PDGFC: variants seen among roughly 807,000 people sequenced by gnomAD.
PDGFC encodes platelet derived growth factor C.
In PDGFC, 12 loss-of-function variants were observed where a neutral mutation model predicts 35.5. The ratio of observed to expected loss-of-function variants is 0.34; its 90% CI spans 0.22 to 0.55. The LOEUF (loss-of-function observed/expected upper bound fraction) is 0.55, where lower values mean the gene tolerates loss of function less well. PDGFC is among the 20% of genes least tolerant of loss of function. The pLI is 0.91. For synonymous variants in PDGFC, 159 were observed against 148.8 expected, an observed-to-expected ratio of 1.07 and a Z score of -0.50; for missense variants, 322 against 412.4, an observed-to-expected ratio of 0.78 and a Z score of 1.90.
intron 1 of PDGFC, among the ~76,000 whole-genome samples, chr4:156,859,821 C>T (rs540091902): frequency 2.7e-4 from 41 of 152,020 alleles, no homozygotes; most frequent in Non-Finnish European, 5.0e-4. Flanking sequence ...ATTTTTAATA[C>T]CAATGAGAAT....
chr4:156,913,019 C>T (rs1029413826), intron 1 of PDGFC, among the ~76,000 whole-genome samples: 2 of 151,996 alleles, frequency 1.3e-5, no homozygotes, highest in Admixed American at 6.6e-5. Context: ...TCTCATGATC[C>T]ACTAACAGGA....
rs796823472 is a variant in PDGFC at position 156,870,464 on chromosome 4, ATAT to A, written c.119-20051_119-20049del. Reference sequence around the variant, plus strand: ...TTGAATGAAAAGATGAGGACCTGATATATTATTATCTTCTACTTCATAGAGAGT... The same window carrying A: ...TTGAATGAAAAGATGAGGACCTGATATATTATCTTCTACTTCATAGAGAGT... On this transcript the variant is annotated intron_variant, in intron 1 of 5. Coordinates refer to ENST00000502773, the MANE Select transcript of PDGFC (RefSeq NM_016205.3). Among the ~76,000 whole-genome samples the A allele has an allele frequency of 2.0e-4, 30 of 152,246 alleles. No homozygotes were observed. In the East Asian group the frequency reaches 4.6e-3, roughly 24 times the overall value.
In PDGFC at chr4:156,789,229, T is replaced by C. The variant is rs1033496151; in HGVS notation, c.496-16336A>G. 9.2e-5 allele frequency among the ~76,000 whole-genome samples: 14 copies of C among 152,234 alleles called. No homozygotes were observed. The East Asian group carries it at 1.9e-3, about 21-fold the overall frequency. ...TACGGAGTGCAGACAGAAAAACTTA[T>C]GATTCTTAAACAGCTGCCTAGAAAA... is the stretch of plus-strand genomic sequence containing the variant. On this transcript the variant is annotated intron_variant, in intron 3 of 5. Coordinates refer to ENST00000502773, the MANE Select transcript of PDGFC (RefSeq NM_016205.3).
chr4:156,856,333 A>G (rs941481888), intron 1 of PDGFC, among the ~76,000 whole-genome samples: 10 of 152,176 alleles, frequency 6.6e-5, no homozygotes, highest in African/African-American at 2.4e-4. Flanking sequence ...GTTAAGAAAT[A>G]ACCAAAAATT....
At chr4:156,812,991 T>G (rs1361410096) in intron 2 of PDGFC, among the ~76,000 whole-genome samples, 1 of 152,106 alleles carries the variant, frequency 6.6e-6, no homozygotes, top group Non-Finnish European at 1.5e-5. Context: ...GGGTTATAAG[T>G]TACATATACA....
chr4:156,858,421 C>A (rs1216345583), intron 1 of PDGFC, among the ~76,000 whole-genome samples: 1 of 151,992 alleles, frequency 6.6e-6, no homozygotes, highest in Non-Finnish European at 1.5e-5. Context: ...TCCTCAAAGC[C>A]TTTATTACAT....
chr4:156,883,317 C>T (rs1730292219), intron 1 of PDGFC, among the ~76,000 whole-genome samples: 1 of 152,040 alleles, frequency 6.6e-6, no homozygotes, highest in Non-Finnish European at 1.5e-5. Flanking sequence ...TTTGATTATA[C>T]TCAATGGAAA....
intron 1 of PDGFC, among the ~76,000 whole-genome samples, chr4:156,880,275 T>C (rs539685396): frequency 3.3e-5 from 5 of 152,130 alleles, no homozygotes; most frequent in Non-Finnish European, 7.4e-5. Context: ...CATTGGTGAA[T>C]TGAAGTTAAA....
chr4:156,832,410 C>T (rs1019417294), intron 2 of PDGFC, among the ~76,000 whole-genome samples: 1 of 152,066 alleles, frequency 6.6e-6, no homozygotes, highest in Non-Finnish European at 1.5e-5. Flanking sequence ...GCACCCGCCA[C>T]CATGCCTGGC....
intron 1 of PDGFC, among the ~76,000 whole-genome samples, chr4:156,907,290 T>C (rs573704554): frequency 6.6e-6 from 1 of 152,334 alleles, no homozygotes; most frequent in Admixed American, 6.5e-5. Flanking sequence ...CAGATTTTCT[T>C]ACATTAGCAC....
chr4:156,763,145 G>A lies in PDGFC; in HGVS notation c.983C>T (p.Ala328Val), dbSNP rs1324137195. The A allele has an allele frequency of 6.2e-7, 1 of 1,613,020 alleles. No homozygotes were observed. Among genetic ancestry groups the A allele is most frequent in the Non-Finnish European group, 8.5e-7 (1 of 1,179,066 alleles). ...GTCACACTCCTCATGGTGCTCCAGG[G>A]CCACGTCGGTGAGTGATTTGTGCAA... ...RGLHKSLTDV[A>V]LEHHEECDCV... Residue 328 changes from alanine to valine, a missense_variant, in exon 6 of 6, where the codon GCC becomes GTC. Ala to Val is a moderately conservative substitution (Grantham distance 64). Transcript: ENST00000502773.
chr4:156,860,762 A>C (rs1321453192), intron 1 of PDGFC, among the ~76,000 whole-genome samples: 1 of 152,150 alleles, frequency 6.6e-6, no homozygotes, highest in East Asian at 1.9e-4. Context: ...ATTTAAACTT[A>C]AAGATCTATT....
intron 3 of PDGFC, among the ~76,000 whole-genome samples, chr4:156,786,558 T>A (rs114263113): frequency 1.9e-3 from 283 of 152,210 alleles, no homozygotes; most frequent in African/African-American, 6.5e-3. Context: ...GAGGGGACGC[T>A]GTGGCTGGAC....
At chr4:156,836,991 CAGCTGGA>C (rs1451270336) in intron 2 of PDGFC, among the ~76,000 whole-genome samples, 1 of 152,078 alleles carries the variant, frequency 6.6e-6, no homozygotes, top group African/African-American at 2.4e-5. Flanking sequence ...TCCATAAAGA[CAGCTGGA>C]ACCTGAACAG....
intron 1 of PDGFC, among the ~76,000 whole-genome samples, chr4:156,874,217 T>C (rs1016417239): frequency 6.6e-6 from 1 of 152,160 alleles, no homozygotes; most frequent in Non-Finnish European, 1.5e-5. Flanking sequence ...TGATAACATA[T>C]AGCTGTGTAT....
intron 3 of PDGFC, among the ~76,000 whole-genome samples, chr4:156,780,055 A>G (rs552813378): frequency 1.7e-4 from 26 of 151,856 alleles, no homozygotes; most frequent in Non-Finnish European, 3.2e-4. Context: ...ACTAAATAAC[A>G]TAGTACTAAG....
At chr4:156,903,835 G>T (rs1730851267) in intron 1 of PDGFC, among the ~76,000 whole-genome samples, 1 of 152,092 alleles carries the variant, frequency 6.6e-6, no homozygotes, top group African/African-American at 2.4e-5. Flanking sequence ...AGTGTAGGAA[G>T]ACAAACCATT....
intron 2 of PDGFC, among the ~76,000 whole-genome samples, chr4:156,816,040 G>A (rs574843212): frequency 2.0e-5 from 3 of 152,296 alleles, no homozygotes; most frequent in East Asian, 3.9e-4. Context: ...CCATGAGGAC[G>A]TCTTTCTTAC....
intron 1 of PDGFC, among the ~76,000 whole-genome samples, chr4:156,918,961 G>T (rs1408440265): frequency 6.6e-6 from 1 of 152,058 alleles, no homozygotes; most frequent in Non-Finnish European, 1.5e-5. Flanking sequence ...TAAAGCTAAC[G>T]CCAAAAAGTC....
Sources: allele counts gnomAD v4.1 joint callset (sites outside exome capture counted in the v4.1 genomes callset), GRCh38; gene constraint gnomAD v4.1.1; transcripts MANE v1.5; gene names NCBI Gene and HGNC (gene_info 2026-07-23, HGNC 2026-07-21).